The following MYO3B variants were observed in gnomAD, a reference collection of about 807,000 sequenced individuals.
MYO3B encodes the protein myosin-IIIb.
In MYO3B, 156 loss-of-function variants were observed where a neutral mutation model predicts 174.6. That is an observed-to-expected ratio of 0.89 (90% CI 0.78 to 1.02). The LOEUF is 1.02. Among genes scored for constraint, MYO3B ranks in the 50% least tolerant of loss-of-function variants. The probability of loss-of-function intolerance (pLI) is 0.00; values close to 1 mark genes in which losing one functional copy is unlikely to be tolerated. For missense variants in MYO3B, 1,632 were observed against 1,639.4 expected, an observed-to-expected ratio of 1.00 and a Z score of 0.08; for synonymous variants, 563 against 569.1, an observed-to-expected ratio of 0.99 and a Z score of 0.15.
At chr2:170,414,496 C>T (rs1490765178) in intron 22 of MYO3B, among the ~76,000 whole-genome samples, 3 of 152,168 alleles carry the variant, frequency 2.0e-5, no homozygotes, top group Non-Finnish European at 4.4e-5. Context: ...TGTAGGAAAT[C>T]TTAAAATCAG....
intron 5 of MYO3B, among the ~76,000 whole-genome samples, chr2:170,215,581 A>C (rs1463202285): frequency 6.6e-6 from 1 of 152,192 alleles, no homozygotes; most frequent in Non-Finnish European, 1.5e-5. Flanking sequence ...AAGAATATTT[A>C]TTGTCTTATT....
At chr2:170,634,718 C>T (rs961158296) in intron 32 of MYO3B, among the ~76,000 whole-genome samples, 1 of 152,190 alleles carries the variant, frequency 6.6e-6, no homozygotes, top group Non-Finnish European at 1.5e-5. Flanking sequence ...GCAATCTACC[C>T]ATCTGACAAA....
intron 12 of MYO3B, chr2:170,384,018 A>G (rs2094355410): frequency 5.8e-6 from 3 of 513,516 alleles, no homozygotes; most frequent in African/African-American, 1.9e-5. Flanking sequence ...CTTTTCAAGA[A>G]ACATAAAACA....
intron 28 of MYO3B, among the ~76,000 whole-genome samples, chr2:170,513,297 A>T (rs1270386846): frequency 6.6e-6 from 1 of 152,226 alleles, no homozygotes; most frequent in African/African-American, 2.4e-5. Context: ...CTAGAAGTCC[A>T]TCAAGGTGTC....
chr2:170,494,167 A>G (rs942832128), intron 25 of MYO3B, among the ~76,000 whole-genome samples: 2 of 152,240 alleles, frequency 1.3e-5, no homozygotes, highest in Non-Finnish European at 2.9e-5. Flanking sequence ...CATAATTTAA[A>G]TGCAGGAGGA....
intron 7 of MYO3B, among the ~76,000 whole-genome samples, chr2:170,303,700 C>T (rs1166924349): frequency 6.6e-6 from 1 of 152,024 alleles, no homozygotes; most frequent in African/African-American, 2.4e-5. Flanking sequence ...GTGAATCTCT[C>T]CATTACATGG....
chr2:170,187,676 T>C (rs994143422), intron 1 of MYO3B, among the ~76,000 whole-genome samples: 4 of 152,164 alleles, frequency 2.6e-5, no homozygotes, highest in African/African-American at 7.2e-5. Flanking sequence ...GTTTCTATTA[T>C]CATTTGATAC....
chr2:170,634,992 G>A (rs968184129), intron 32 of MYO3B, among the ~76,000 whole-genome samples: 1 of 152,180 alleles, frequency 6.6e-6, no homozygotes, highest in Non-Finnish European at 1.5e-5. Context: ...GGAGAAATAG[G>A]AACACTTTTA....
intron 30 of MYO3B, among the ~76,000 whole-genome samples, chr2:170,527,676 C>A (rs1225469643): frequency 1.3e-5 from 2 of 152,206 alleles, no homozygotes; most frequent in African/African-American, 4.8e-5. Context: ...TGCCTCTGTT[C>A]TGGCCCAGGT....
intron 32 of MYO3B, among the ~76,000 whole-genome samples, chr2:170,566,867 T>C (rs1025330088): frequency 6.6e-6 from 1 of 152,184 alleles, no homozygotes; most frequent in African/African-American, 2.4e-5. Flanking sequence ...GCATGAATCC[T>C]TTATATCTTG....
At chr2:170,532,588 G>A (rs1462246159) in intron 30 of MYO3B, among the ~76,000 whole-genome samples, 2 of 151,988 alleles carry the variant, frequency 1.3e-5, no homozygotes, top group African/African-American at 4.8e-5. Flanking sequence ...CAAGGTGGGC[G>A]GATCACCTGG....
intron 32 of MYO3B, among the ~76,000 whole-genome samples, chr2:170,588,198 G>A (rs1008712411): frequency 6.6e-6 from 1 of 152,046 alleles, no homozygotes; most frequent in African/African-American, 2.4e-5. Flanking sequence ...TTGGGAGGCC[G>A]AGGAGGGTGG....
chr2:170,596,655 C>T (rs536854666), intron 32 of MYO3B, among the ~76,000 whole-genome samples: 3 of 152,252 alleles, frequency 2.0e-5, no homozygotes, highest in Admixed American at 1.3e-4. Context: ...GTTCTTTTTC[C>T]ACCCTCTGCC....
chr2:170,548,614 T>G (rs1690690426), intron 32 of MYO3B, among the ~76,000 whole-genome samples: 1 of 152,188 alleles, frequency 6.6e-6, no homozygotes, highest in Admixed American at 6.5e-5. Context: ...CATCAAGAAA[T>G]GAGATAGTCT....
intron 14 of MYO3B, 63 bp from the exon 15 acceptor site, chr2:170,391,457 G>T: frequency 1.4e-6 from 1 of 733,580 alleles, no homozygotes; most frequent in Admixed American, 3.1e-5. Context: ...AAAGGAAATG[G>T]TGTAAAATAC....
intron 33 of MYO3B, 144 bp downstream of exon 33, chr2:170,651,878 T>A (rs1365997216): frequency 1.4e-6 from 1 of 739,612 alleles, no homozygotes; most frequent in Non-Finnish European, 2.3e-6. Context: ...CTTTATCTGT[T>A]GCTTTCATGT....
chr2:170,192,179 G>A (rs2092548550), intron 1 of MYO3B, among the ~76,000 whole-genome samples: 2 of 151,868 alleles, frequency 1.3e-5, no homozygotes, highest in Admixed American at 1.3e-4. Context: ...TTGAAGGTCT[G>A]GAAGAATTTA....
intron 30 of MYO3B, among the ~76,000 whole-genome samples, chr2:170,533,779 C>T (rs1010960011): frequency 6.6e-6 from 1 of 152,120 alleles, no homozygotes; most frequent in Non-Finnish European, 1.5e-5. Context: ...ACTATATATG[C>T]ATCTTTAATT....
chr2:170,501,652 C>CT (rs1213615239), intron 27 of MYO3B, 133 bp from the exon 28 acceptor site: 2 of 617,102 alleles, frequency 3.2e-6, no homozygotes, highest in Non-Finnish European at 5.8e-6. Flanking sequence ...CATACCTCTG[C>CT]TTATTTTGTT....
Sources: gnomAD v4.1 joint callset for allele counts (sites outside exome capture counted in the v4.1 genomes callset) on GRCh38, gnomAD v4.1.1 for gene constraint, MANE v1.5 for transcripts, NCBI Gene and HGNC (gene_info 2026-07-23, HGNC 2026-07-21) for gene names.